The following PEAK1 variants were observed in gnomAD, a reference collection of about 807,000 sequenced individuals.
PEAK1 encodes the protein inactive tyrosine-protein kinase PEAK1.
PEAK1 carries 54 observed loss-of-function variants against 124.7 expected under a neutral mutation model. The observed-to-expected ratio is 0.43, with a 90% CI of 0.35 to 0.54. The LOEUF (loss-of-function observed/expected upper bound fraction) is 0.54, where lower values mean the gene tolerates loss of function less well. Ranked by LOEUF, PEAK1 falls within the 20% of genes least tolerant of loss-of-function variation. The pLI is 0.01. For synonymous variants in PEAK1, 719 were observed against 760.0 expected (o/e 0.95, Z 0.89); for missense variants, 2,046 against 2,134.5 (o/e 0.96, Z 0.82).
In PEAK1 at chr15:77,179,374, G is replaced by C. The variant is rs1246113141; in HGVS notation, c.2553C>G (p.Val851=). ...KVQKDPSIKP[V]TPSPSKLVTS... is the part of the protein sequence containing the mutation. ...TCACTAATTTGGAGGGAGAGGGGGT[G>C]ACTGGCTTTATGGATGGGTCTTTCT... Residue 851 remains valine (V), a synonymous_variant, in exon 7 of 10, where the codon GTC becomes GTG. Coordinates refer to ENST00000682557, the MANE Select transcript of PEAK1 (RefSeq NM_001385026.1). The C allele has an allele frequency of 3.7e-6, 6 of 1,614,010 alleles. No individual in the cohort carries two copies.
rs560915131 is a variant in PEAK1, at chr15:77,234,984, T to A, written c.-115+17383A>T. ...ATGAGATCTGATGGTTTTATAAGCA[T>A]CTGGCGTTGCCCTTGCTTGCACTTC... On this transcript the variant is annotated intron_variant, in intron 6 of 9. Coordinates refer to ENST00000682557, the MANE Select transcript of PEAK1 (RefSeq NM_001385026.1). 1.8e-4 allele frequency among the ~76,000 whole-genome samples: 28 copies of A among 152,126 alleles called. No homozygotes were observed. The East Asian group carries it at 5.4e-3, about 30-fold the overall frequency.
chr15:77,250,144 GATATATATATACATATATATAC>G (rs2060776863), intron 6 of PEAK1, among the ~76,000 whole-genome samples: 5 of 121,176 alleles, frequency 4.1e-5, no homozygotes, highest in African/African-American at 1.3e-4. Context: ...TCACTGTTAA[GATATATATATACATATATATAC>G]ATATATATGT....
chr15:77,193,207 C>G (rs1020738294), intron 6 of PEAK1, among the ~76,000 whole-genome samples: 2 of 152,176 alleles, frequency 1.3e-5, no homozygotes, highest in Non-Finnish European at 2.9e-5. Flanking sequence ...CACCTCTTCT[C>G]TATGGATATA....
At chr15:77,217,292 C>T (rs951317808) in intron 6 of PEAK1, among the ~76,000 whole-genome samples, 2 of 149,754 alleles carry the variant, frequency 1.3e-5, no homozygotes, top group Non-Finnish European at 3.0e-5. Context: ...GCAATAGCTA[C>T]CAAGATGTGG....
Position 77,352,668 on chromosome 15 carries a change from T to C in PEAK1, c.-603+12495A>G, listed in dbSNP as rs192610234. 4.2e-6 allele frequency: 4 copies of C among 947,720 alleles called. No individual in the cohort carries two copies. The African/African-American group carries it at 7.1e-5, about 17-fold the overall frequency. The allele number at this position is 947,720 out of a possible 1,614,324, so 58.7% of individuals were successfully genotyped here. A position where few individuals can be genotyped will look rare whatever the true frequency, so the allele number is the denominator to read the frequency against. ...CCTAGAAACCTAAGGTTGTTTATGA[T>C]ATAGAGTATTAACCTGAAATTTTTA... On this transcript the variant is annotated intron_variant, in intron 2 of 9. Coordinates refer to ENST00000682557, the MANE Select transcript of PEAK1 (RefSeq NM_001385026.1).
At chr15:77,225,629 A>ATGTGTGTGTGTG (rs146458404) in intron 6 of PEAK1, among the ~76,000 whole-genome samples, 10 of 115,780 alleles carry the variant, frequency 8.6e-5, no homozygotes, top group Non-Finnish European at 1.6e-4. Context: ...CTTTCTACAG[A>ATGTGTGTGTGTG]TGTGTGTGTG....
chr15:77,215,575 T>C (rs1269645979), intron 6 of PEAK1, among the ~76,000 whole-genome samples: 1 of 152,146 alleles, frequency 6.6e-6, no homozygotes, highest in Non-Finnish European at 1.5e-5. Flanking sequence ...GGAATGACAA[T>C]AAAAAGTCTG....
intron 6 of PEAK1, among the ~76,000 whole-genome samples, chr15:77,184,436 T>C (rs1037924202): frequency 5.3e-5 from 8 of 152,190 alleles, no homozygotes; most frequent in African/African-American, 1.7e-4. Flanking sequence ...AATCATAAAC[T>C]TACCTTGGAG....
intron 2 of PEAK1, chr15:77,348,200 A>C: frequency 1.0e-6 from 1 of 982,786 alleles, no homozygotes; most frequent in South Asian, 4.7e-5. Context: ...AAAAAAAAAA[A>C]AGAAGACTGG....
intron 2 of PEAK1, among the ~76,000 whole-genome samples, chr15:77,309,372 T>A (rs1597224592): frequency 6.6e-6 from 1 of 151,838 alleles, no homozygotes; most frequent in Non-Finnish European, 1.5e-5. Flanking sequence ...ACAGAAGGAA[T>A]GACATATAAG....
intron 9 of PEAK1, among the ~76,000 whole-genome samples, chr15:77,126,139 T>C (rs950796247): frequency 6.6e-6 from 1 of 152,232 alleles, no homozygotes; most frequent in African/African-American, 2.4e-5. Context: ...GTTACCAGCT[T>C]GACATAGGAA....
intron 2 of PEAK1, among the ~76,000 whole-genome samples, chr15:77,312,308 T>A (rs923172347): frequency 1.3e-5 from 2 of 152,208 alleles, no homozygotes; most frequent in Admixed American, 6.5e-5. Flanking sequence ...TAGTTACTCA[T>A]GTAATTATCC....
At chr15:77,257,955 G>C (rs1178326232) in intron 5 of PEAK1, among the ~76,000 whole-genome samples, 1 of 152,176 alleles carries the variant, frequency 6.6e-6, no homozygotes, top group Non-Finnish European at 1.5e-5. Flanking sequence ...TAGCTAGCCA[G>C]TTTTCCCATC....
chr15:77,348,934 G>A (rs1241487588), intron 2 of PEAK1: 3 of 947,464 alleles, frequency 3.2e-6, no homozygotes, highest in Non-Finnish European at 3.8e-6. Context: ...GACTTACCAT[G>A]TATGGACTAT....
At chr15:77,327,074 C>G (rs2065623479) in intron 2 of PEAK1, among the ~76,000 whole-genome samples, 2 of 152,084 alleles carry the variant, frequency 1.3e-5, no homozygotes, top group African/African-American at 2.4e-5. Flanking sequence ...TGATACTTAC[C>G]TGCTTTCCAA....
chr15:77,368,231 T>C (rs746331214), intron 1 of PEAK1, among the ~76,000 whole-genome samples: 20 of 152,120 alleles, frequency 1.3e-4, no homozygotes, highest in Non-Finnish European at 2.6e-4. Flanking sequence ...ATTAAAAGTT[T>C]TGGGCCAGGC....
In PEAK1 at chr15:77,283,238, C is replaced by T. The variant is rs1464548969; in HGVS notation, c.-275+645G>A. Among the ~76,000 whole-genome samples the T allele has an allele frequency of 2.0e-5, 3 of 152,290 alleles. No homozygotes were observed. In the East Asian group the frequency reaches 5.8e-4, roughly 29 times the overall value. ...AAATTTTGTTGTATATCAACTCCAT[C>T]CTTTGCTGTTTTCCTTATTTGATTA... On this transcript the variant is annotated intron_variant, in intron 5 of 9. Transcript: ENST00000682557.
rs1323925824 is a variant in PEAK1 at position 77,179,224 on chromosome 15, C to T, written c.2703G>A (p.Arg901=). 2.5e-6 allele frequency: 4 copies of T among 1,614,038 alleles called. No homozygotes were observed. The East Asian group carries it at 6.7e-5, about 27-fold the overall frequency. ...GCAAAACTGATTCAGCTTCTGTTGA[C>T]CTGGTAGGGCTGGTTGGCTTGGTCC... The part of the protein sequence containing the change: ...TNWTKPTSPT[R]STEAESVLHS... The change falls in exon 7 of 10, where the codon AGG becomes AGA. Residue 901 remains arginine (R), a synonymous_variant. Transcript: ENST00000682557.
At chr15:77,336,263 T>A (rs975559843) in intron 2 of PEAK1, 1 of 985,228 alleles carries the variant, frequency 1.0e-6, no homozygotes, top group Non-Finnish European at 1.2e-6. Flanking sequence ...AATCTAATCA[T>A]TTACATCTTG....
Sources: gnomAD v4.1 joint callset for allele counts (sites outside exome capture counted in the v4.1 genomes callset) on GRCh38, gnomAD v4.1.1 for gene constraint, MANE v1.5 for transcripts, NCBI Gene and HGNC (gene_info 2026-07-23, HGNC 2026-07-21) for gene names.